ZFP64: variants seen among roughly 807,000 people sequenced by gnomAD.
The protein encoded by ZFP64 is ZFP64 zinc finger protein, also known as zinc finger protein 64.
A neutral mutation model predicts 51.6 loss-of-function variants in ZFP64; 14 were observed. The observed-to-expected ratio is 0.27, with a 90% CI of 0.18 to 0.42. The LOEUF is 0.42. ZFP64 is among the 10% of genes least tolerant of loss of function. The probability of loss-of-function intolerance (pLI) is 1.00; values close to 1 mark genes in which losing one functional copy is unlikely to be tolerated. For synonymous variants in ZFP64, 375 were observed against 361.4 expected, an observed-to-expected ratio of 1.04 and a Z score of -0.43; for missense variants, 754 against 906.8, an observed-to-expected ratio of 0.83 and a Z score of 2.16.
intron 5 of ZFP64, among the ~76,000 whole-genome samples, chr20:52,110,123 A>AC (rs1978480628): frequency 6.6e-6 from 1 of 152,118 alleles, no homozygotes; most frequent in Admixed American, 6.6e-5. Flanking sequence ...GGGTCATTTC[A>AC]CCAGCCACCT....
At chr20:52,116,102 G>A (rs926325719) in intron 5 of ZFP64, among the ~76,000 whole-genome samples, 1 of 151,878 alleles carries the variant, frequency 6.6e-6, no homozygotes, top group Non-Finnish European at 1.5e-5. Flanking sequence ...CCAAAGTGCT[G>A]GGATTATAGG....
At chr20:52,084,588 TCGAGCTGCCCCA>T in exon 9 of ZFP64, 1 of 1,613,822 alleles carries the variant, frequency 6.2e-7, no homozygotes, top group Non-Finnish European at 8.5e-7. Context: ...TAGGGGAGCC[TCGAGCTGCCCCA>T]CGGAGACCAG....
intron 5 of ZFP64, chr20:52,110,828 T>G (rs1302830414): frequency 2.5e-6 from 4 of 1,600,454 alleles, no homozygotes; most frequent in Non-Finnish European, 3.4e-6. Context: ...CTCAGCTCCA[T>G]GTTCAGCTTG....
chr20:52,149,928 GC>G (rs911614255), downstream of ZFP64, among the ~76,000 whole-genome samples: 5 of 152,248 alleles, frequency 3.3e-5, no homozygotes, highest in Admixed American at 3.3e-4. Flanking sequence ...ATTGATAGGG[GC>G]CAGGTACGGT....
rs546201882 is a variant in ZFP64, at chr20:52,131,201, G to A, written c.763+28922C>T. 1.1e-4 allele frequency among the ~76,000 whole-genome samples: 16 copies of A among 149,322 alleles called. No individual in the cohort carries two copies. The South Asian group carries it at 3.4e-3, about 32-fold the overall frequency. On this transcript the variant is annotated intron_variant, in intron 5 of 8. Coordinates refer to the ZFP64 transcript ENST00000361387. Reference sequence around the variant, plus strand: ...AAAGAAAGGGAGGAGGGAAGGAAAGGAAAGAAGAAAAAGAAGAAAGGAAAA... The same window carrying A: ...AAAGAAAGGGAGGAGGGAAGGAAAGAAAAGAAGAAAAAGAAGAAAGGAAAA...
chr20:52,187,630 A>T (rs1984068655), intron 1 of ZFP64, among the ~76,000 whole-genome samples: 1 of 151,972 alleles, frequency 6.6e-6, no homozygotes, highest in African/African-American at 2.4e-5. Context: ...CTCAAAAAAA[A>T]AATAATTTTT....
intron 5 of ZFP64, among the ~76,000 whole-genome samples, chr20:52,108,703 T>A (rs1027284859): frequency 6.6e-6 from 1 of 151,852 alleles, no homozygotes; most frequent in Non-Finnish European, 1.5e-5. Context: ...AGAGATGGGT[T>A]TTCACCATGT....
In ZFP64 at chr20:52,183,554, T is replaced by C. The variant is rs567537469; in HGVS notation, c.286+3278A>G. Among the ~76,000 whole-genome samples the C allele has an allele frequency of 2.4e-4, 37 of 152,276 alleles. 1 individual carries two copies. The South Asian group carries it at 7.3e-3, about 30-fold the overall frequency. On this transcript the variant is annotated intron_variant, in intron 2 of 5. Transcript: ENST00000216923. ...CAAAGGCAACTTTGCTTGGTCCTGG[T>C]GCAAAATAATTAGGTCCTACCAGGC...
At chr20:52,117,321 A>C (rs1234008538) in intron 5 of ZFP64, among the ~76,000 whole-genome samples, 1 of 151,852 alleles carries the variant, frequency 6.6e-6, no homozygotes, top group Non-Finnish European at 1.5e-5. Flanking sequence ...CTGCATTTTA[A>C]AAAGATCCCC....
chr20:52,124,044 G>T (rs907299334), intron 5 of ZFP64, among the ~76,000 whole-genome samples: 17 of 151,916 alleles, frequency 1.1e-4, no homozygotes, highest in African/African-American at 3.4e-4. Context: ...TAATTTTTTT[G>T]TATTTTTAGT....
intron 8 of ZFP64, chr20:52,088,129 G>A (rs1600682269): frequency 1.9e-6 from 1 of 526,844 alleles, no homozygotes. Flanking sequence ...ATACATCATT[G>A]GCTTCTTGGC....
intron 5 of ZFP64, among the ~76,000 whole-genome samples, chr20:52,119,531 A>ATATAT (rs1458557217): frequency 2.8e-4 from 18 of 65,178 alleles, no homozygotes; most frequent in Middle Eastern, 0.014. Flanking sequence ...AAAAAAAAAA[A>ATATAT]AAATATATAT....
At chr20:52,094,758 T>C (rs200982909) in intron 7 of ZFP64, among the ~76,000 whole-genome samples, 2 of 147,942 alleles carry the variant, frequency 1.4e-5, no homozygotes, top group Admixed American at 6.7e-5. Context: ...AATAAATAAA[T>C]AAATAATAAA....
intron 5 of ZFP64, among the ~76,000 whole-genome samples, chr20:52,140,656 C>G (rs1039088327): frequency 1.3e-5 from 2 of 152,148 alleles, no homozygotes; most frequent in Non-Finnish European, 2.9e-5. Context: ...ATCTCCACAT[C>G]GTAAAAGTGC....
intron 5 of ZFP64, among the ~76,000 whole-genome samples, chr20:52,131,607 C>T (rs1015046923): frequency 6.6e-6 from 1 of 152,082 alleles, no homozygotes; most frequent in African/African-American, 2.4e-5. Context: ...AAGACAAAAA[C>T]TATAAGAAAA....
intron 2 of ZFP64, among the ~76,000 whole-genome samples, chr20:52,185,609 T>C (rs1278560691): frequency 1.4e-5 from 2 of 147,170 alleles, no homozygotes; most frequent in Non-Finnish European, 3.0e-5. Context: ...AGACGAAGTC[T>C]GGCTCTTGTC....
chr20:52,087,046 TTGG>T (rs2078872335), intron 8 of ZFP64, among the ~76,000 whole-genome samples: 1 of 152,172 alleles, frequency 6.6e-6, no homozygotes, highest in Non-Finnish European at 1.5e-5. Context: ...TTGAGATAGT[TTGG>T]CTGGGTATAG....
intron 7 of ZFP64, among the ~76,000 whole-genome samples, chr20:52,094,225 T>G (rs571926135): frequency 6.6e-6 from 1 of 152,210 alleles, no homozygotes; most frequent in South Asian, 2.1e-4. Flanking sequence ...CCATCCTCCT[T>G]CTATGCTCCT....
intron 5 of ZFP64, among the ~76,000 whole-genome samples, chr20:52,114,135 T>A (rs1978744125): frequency 6.6e-6 from 1 of 152,020 alleles, no homozygotes; most frequent in Admixed American, 6.6e-5. Context: ...AAACATGATA[T>A]GTAAAAATTT....
Sources: gnomAD v4.1 joint callset for allele counts (sites outside exome capture counted in the v4.1 genomes callset) on GRCh38, gnomAD v4.1.1 for gene constraint, MANE v1.5 for transcripts, NCBI Gene and HGNC (gene_info 2026-07-23, HGNC 2026-07-21) for gene names.